VKORC1L1: variants seen among roughly 807,000 people sequenced by gnomAD.
VKORC1L1 encodes vitamin K epoxide reductase complex subunit 1L1.
In VKORC1L1, 2 loss-of-function variants were observed where a neutral mutation model predicts 18.9. The ratio of observed to expected loss-of-function variants is 0.11; its 90% CI spans 0.04 to 0.33. VKORC1L1 has a LOEUF of 0.33. VKORC1L1 is among the 10% of genes least tolerant of loss of function. VKORC1L1 has a pLI of 1.00. For missense variants in VKORC1L1, 123 were observed against 224.1 expected (o/e 0.55, Z 2.88); for synonymous variants, 96 against 100.0 (o/e 0.96, Z 0.24).
chr7:65,868,264 C>T (rs959132001), upstream of VKORC1L1, among the ~76,000 whole-genome samples: 15 of 151,896 alleles, frequency 9.9e-5, no homozygotes, highest in African/African-American at 3.1e-4. Flanking sequence ...AGACCAGCCT[C>T]GGCAACATAA....
intron 1 of VKORC1L1, among the ~76,000 whole-genome samples, chr7:65,926,184 C>T (rs540866522): frequency 2.6e-5 from 4 of 151,532 alleles, no homozygotes; most frequent in Non-Finnish European, 4.4e-5. Context: ...GAGACAGAGT[C>T]TCACTCTGTT....
At chr7:65,917,134 G>A (rs1262995970) in intron 1 of VKORC1L1, among the ~76,000 whole-genome samples, 3 of 151,756 alleles carry the variant, frequency 2.0e-5, no homozygotes, top group Non-Finnish European at 2.9e-5. Flanking sequence ...GAGCCCCAAC[G>A]AGACAAAAAA....
At chr7:65,932,968 C>T (rs1474935454) in intron 1 of VKORC1L1, among the ~76,000 whole-genome samples, 1 of 151,660 alleles carries the variant, frequency 6.6e-6, no homozygotes, top group East Asian at 1.9e-4. Context: ...ATCCCAGCTA[C>T]TCGGGAGGCT....
chr7:65,897,608 C>T (rs1789236174), intron 1 of VKORC1L1, among the ~76,000 whole-genome samples: 3 of 151,214 alleles, frequency 2.0e-5, no homozygotes, highest in Admixed American at 2.0e-4. Flanking sequence ...CAAAAAAAGA[C>T]AAAATTGTGG....
intron 1 of VKORC1L1, among the ~76,000 whole-genome samples, chr7:65,893,781 T>G (rs1789146060): frequency 6.6e-6 from 1 of 152,236 alleles, no homozygotes; most frequent in Admixed American, 6.5e-5. Flanking sequence ...CCAAAAAGTT[T>G]GAGAATCACT....
intron 2 of VKORC1L1, 85 bp downstream of exon 2, chr7:65,948,865 G>A (rs1209256685): frequency 6.6e-7 from 1 of 1,503,918 alleles, no homozygotes; most frequent in East Asian, 2.3e-5. Flanking sequence ...TGATGTTAAA[G>A]CATGTGTTAT....
At chr7:65,886,218 T>A (rs62470883) in intron 1 of VKORC1L1, among the ~76,000 whole-genome samples, 5,683 of 152,334 alleles carry the variant, frequency 0.037, 160 homozygotes, top group East Asian at 0.089. Context: ...ATGTATACTC[T>A]GGTTCTTGTA....
rs4504525 is a variant in VKORC1L1 at position 65,955,436 on chromosome 7, G to A, written c.*1136G>A. 1.3e-5 allele frequency: 2 copies of A among 152,246 alleles called. No homozygotes were observed. Among genetic ancestry groups the A allele is most frequent in the Admixed American group, 6.5e-5 (1 of 15,288 alleles). 9.4% of individuals were successfully genotyped at this position (152,246 alleles called of 1,614,324 possible). A position where few individuals can be genotyped will look rare whatever the true frequency, so the allele number is the denominator to read the frequency against. ...ACCTTCAGGGCTGACATGCTGCCCA[G>A]TTTGCTTCATCGGGAGAATAGCAAC... On this transcript the variant is annotated 3_prime_UTR_variant, in exon 3 of 3. Coordinates refer to ENST00000360768, the MANE Select transcript of VKORC1L1 (RefSeq NM_173517.6).
chr7:65,895,538 CAT>C (rs1789195523), intron 1 of VKORC1L1, among the ~76,000 whole-genome samples: 1 of 126,870 alleles, frequency 7.9e-6, no homozygotes, highest in African/African-American at 2.9e-5. Flanking sequence ...CACACACACA[CAT>C]ATAATTTGTG....
chr7:65,922,316 C>T (rs1583850614), intron 1 of VKORC1L1, among the ~76,000 whole-genome samples: 1 of 151,390 alleles, frequency 6.6e-6, no homozygotes, highest in Admixed American at 6.6e-5. Context: ...TGCTCTGTCA[C>T]CCAGGCTAGA....
intron 1 of VKORC1L1, among the ~76,000 whole-genome samples, chr7:65,899,763 G>A (rs1789278077): frequency 6.6e-6 from 1 of 152,254 alleles, no homozygotes; most frequent in African/African-American, 2.4e-5. Context: ...ACTTTGGGAG[G>A]CTGAGACAGG....
chr7:65,918,977 C>T (rs1789631530), intron 1 of VKORC1L1, among the ~76,000 whole-genome samples: 1 of 152,120 alleles, frequency 6.6e-6, no homozygotes, highest in South Asian at 2.1e-4. Context: ...TGATTGTAAT[C>T]CCAGCTACTC....
At chr7:65,909,125 A>G (rs1250960281) in intron 1 of VKORC1L1, among the ~76,000 whole-genome samples, 3 of 137,226 alleles carry the variant, frequency 2.2e-5, no homozygotes, top group African/African-American at 7.8e-5. Flanking sequence ...TACAGGCGTG[A>G]GCCACCACGC....
intron 1 of VKORC1L1, among the ~76,000 whole-genome samples, chr7:65,926,999 T>A (rs780152656): frequency 6.6e-6 from 1 of 151,940 alleles, no homozygotes; most frequent in East Asian, 1.9e-4. Context: ...AATACACATA[T>A]AGTGTGGCCA....
chr7:65,902,614 C>G (rs1003492617), intron 1 of VKORC1L1, among the ~76,000 whole-genome samples: 1 of 152,064 alleles, frequency 6.6e-6, no homozygotes, highest in Non-Finnish European at 1.5e-5. Context: ...AGAAAATTCT[C>G]AAATTTGATG....
intron 1 of VKORC1L1, among the ~76,000 whole-genome samples, chr7:65,898,315 A>C (rs564000888): frequency 1.8e-4 from 28 of 151,856 alleles, no homozygotes; most frequent in Non-Finnish European, 4.0e-4. Flanking sequence ...TGAACTCCTG[A>C]CTTCATGATC....
intron 1 of VKORC1L1, among the ~76,000 whole-genome samples, chr7:65,943,112 T>C (rs941187215): frequency 1.3e-5 from 2 of 152,004 alleles, no homozygotes; most frequent in Non-Finnish European, 2.9e-5. Flanking sequence ...CCAAAAATAA[T>C]AAGTGGCCAG....
chr7:65,901,870 A>G (rs1359876965), intron 1 of VKORC1L1, among the ~76,000 whole-genome samples: 1 of 152,308 alleles, frequency 6.6e-6, no homozygotes, highest in African/African-American at 2.4e-5. Flanking sequence ...CTGGGACTCA[A>G]CACAGAGCTG....
At chr7:65,872,804 C>G (rs1172300355), upstream of VKORC1L1, among the ~76,000 whole-genome samples, 2 of 151,770 alleles carry the variant, frequency 1.3e-5, no homozygotes, top group African/African-American at 4.8e-5. Context: ...AAATATACAA[C>G]GAAAAAGGGA....
Sources: allele counts gnomAD v4.1 joint callset (sites outside exome capture counted in the v4.1 genomes callset), GRCh38; gene constraint gnomAD v4.1.1; transcripts MANE v1.5; gene names NCBI Gene and HGNC (gene_info 2026-07-23, HGNC 2026-07-21).